KANK1: variants seen among roughly 807,000 people sequenced by gnomAD.
The protein encoded by KANK1 is KN motif and ankyrin repeat domains 1.
A neutral mutation model predicts 106.2 loss-of-function variants in KANK1; 109 were observed. That is an observed-to-expected ratio of 1.03 (90% CI 0.88 to 1.20). The LOEUF (loss-of-function observed/expected upper bound fraction) is 1.20, where lower values mean the gene tolerates loss of function less well. Among genes scored for constraint, KANK1 ranks in the 50% most tolerant of loss-of-function variants. The pLI is 0.00. For missense variants in KANK1, 2,399 were observed against 1,710.7 expected (o/e 1.40, Z -7.10); for synonymous variants, 873 against 652.2 (o/e 1.34, Z -5.16).
At chr9:610,305 T>G (rs760101010) in intron 1 of KANK1, among the ~76,000 whole-genome samples, 2 of 152,190 alleles carry the variant, frequency 1.3e-5, no homozygotes, top group Non-Finnish European at 2.9e-5. Flanking sequence ...TGAAAAAACA[T>G]TCTCACTGAA....
intron 1 of KANK1, among the ~76,000 whole-genome samples, chr9:636,842 C>A (rs116655281): frequency 6.6e-6 from 1 of 152,150 alleles, no homozygotes; most frequent in African/African-American, 2.4e-5. Flanking sequence ...TCCAGCCAGG[C>A]GACAGCGCGA....
intron 9 of KANK1, 34 bp downstream of exon 9, chr9:740,968 A>AC (rs1171446735): frequency 6.2e-7 from 1 of 1,610,668 alleles, no homozygotes; most frequent in African/African-American, 1.3e-5. Flanking sequence ...TCAGGAATGC[A>AC]CCCGTAACCA....
At chr9:692,684 C>G (rs1234895415) in intron 2 of KANK1, among the ~76,000 whole-genome samples, 2 of 148,724 alleles carry the variant, frequency 1.3e-5, no homozygotes, top group Non-Finnish European at 3.0e-5. Context: ...TTATCATTTA[C>G]TTTTGACAGA....
At chr9:497,860 CACA>C (rs386731401) in intron 3 of KANK1, among the ~76,000 whole-genome samples, 2 of 142,850 alleles carry the variant, frequency 1.4e-5, no homozygotes, top group African/African-American at 5.9e-5. Flanking sequence ...ATTAACCCCC[CACA>C]CACACACACC....
At chr9:738,230 A>T in intron 7 of KANK1, 55 bp from the exon 8 acceptor site, 1 of 1,407,468 alleles carries the variant, frequency 7.1e-7, no homozygotes. Context: ...GCTTTCAACT[A>T]GGTCTCAGAA....
At chr9:563,658 G>T (rs1381611014) in intron 1 of KANK1, among the ~76,000 whole-genome samples, 5 of 152,194 alleles carry the variant, frequency 3.3e-5, no homozygotes, top group African/African-American at 1.2e-4. Flanking sequence ...GAGGTCAGAA[G>T]TGTCAGTGAA....
intron 1 of KANK1, among the ~76,000 whole-genome samples, chr9:645,127 A>C (rs969374617): frequency 1.1e-4 from 3 of 26,740 alleles, no homozygotes; most frequent in African/African-American, 5.7e-4. Flanking sequence ...CCATCTCTAC[A>C]AAAAAAAAAA....
At chr9:474,596 C>T (rs1057229415) in intron 3 of KANK1, among the ~76,000 whole-genome samples, 1 of 152,120 alleles carries the variant, frequency 6.6e-6, no homozygotes, top group African/African-American at 2.4e-5. Flanking sequence ...TGTCGTTTCT[C>T]TAAAAAAGTA....
chr9:585,712 A>G (rs1289939728), intron 1 of KANK1, among the ~76,000 whole-genome samples: 1 of 152,188 alleles, frequency 6.6e-6, no homozygotes, highest in Non-Finnish European at 1.5e-5. Flanking sequence ...CGAGGTCGGC[A>G]TTGCTGGGGC....
Position 617,053 on chromosome 9 carries a change from AAGAG to A in KANK1, c.-83-59833_-83-59830del, listed in dbSNP as rs1417245134. On this transcript the variant is annotated intron_variant, in intron 1 of 11. Transcript: ENST00000382297. ...CTTCTCTAGAAGATCTCAGTAGTCT[AAGAG>A]AGAATAATTTTTTTTTAATATACTA... Among the ~76,000 whole-genome samples the A allele has an allele frequency of 2.6e-4, 40 of 152,308 alleles. No individual in the cohort carries two copies. The South Asian group carries it at 8.3e-3, about 32-fold the overall frequency.
intron 1 of KANK1, among the ~76,000 whole-genome samples, chr9:639,836 C>T (rs1360747453): frequency 6.6e-6 from 1 of 152,138 alleles, no homozygotes; most frequent in African/African-American, 2.4e-5. Flanking sequence ...AGGGCCTGTT[C>T]CTCAAGGATA....
At chr9:713,493 G>T (rs766450693) in intron 3 of KANK1, 29 bp downstream of exon 3, 2 of 1,520,056 alleles carry the variant, frequency 1.3e-6, no homozygotes, top group South Asian at 2.7e-5. Flanking sequence ...ACCTGGGAAT[G>T]AGGAAGGATG....
chr9:657,751 C>G (rs1842462469), intron 1 of KANK1, among the ~76,000 whole-genome samples: 1 of 152,096 alleles, frequency 6.6e-6, no homozygotes, highest in African/African-American at 2.4e-5. Context: ...TATCAGGCAG[C>G]AAATTGTAAA....
upstream of KANK1, among the ~76,000 whole-genome samples, chr9:502,597 C>T (rs557120157): frequency 1.9e-4 from 29 of 151,544 alleles, no homozygotes; most frequent in African/African-American, 6.8e-4. Context: ...GATCTCGGCT[C>T]ACTGCAACCT....
intron 1 of KANK1, among the ~76,000 whole-genome samples, chr9:616,539 A>G (rs1255797450): frequency 6.6e-6 from 1 of 152,156 alleles, no homozygotes; most frequent in African/African-American, 2.4e-5. Flanking sequence ...ATACCTACCA[A>G]ATTTCACCAC....
chr9:596,019 C>G lies in KANK1; in HGVS notation c.-83-80871C>G, dbSNP rs538184985. The stretch of plus-strand genomic sequence containing the variant: ...AATTCCTTGGGGATGAGACACAAGT[C>G]TAAATAACAAGTTCGTTTATGTTTC... On this transcript the variant is annotated intron_variant, in intron 1 of 11. Transcript: ENST00000382297. Among the ~76,000 whole-genome samples, 11 of 151,900 alleles carry G rather than the reference C, an allele frequency of 7.2e-5. No homozygotes were observed. The South Asian group carries it at 2.1e-3, about 29-fold the overall frequency.
intron 5 of KANK1, chr9:732,151 T>G: frequency 2.3e-6 from 1 of 441,816 alleles, no homozygotes; most frequent in Non-Finnish European, 4.1e-6. Flanking sequence ...CTTTAACAAG[T>G]GTTACATGAT....
rs79995118 is a variant in KANK1, at chr9:654,280, G to A, written c.-83-22610G>A. The stretch of plus-strand genomic sequence containing the variant: ...CCACGGCCAGACTTTGAGAAACAGT[G>A]GCCCAGAGAATAACAGTCTTAGAAG... On this transcript the variant is annotated intron_variant, in intron 1 of 11. Transcript: ENST00000382297. 5.4e-3 allele frequency among the ~76,000 whole-genome samples: 821 copies of A among 152,194 alleles called. 6 individuals carry two copies. Among genetic ancestry groups the A allele is most frequent in the African/African-American group, 0.019 (774 of 41,504 alleles).
chr9:526,068 TG>T (rs1229458304), intron 1 of KANK1, among the ~76,000 whole-genome samples: 2 of 150,736 alleles, frequency 1.3e-5, no homozygotes, highest in African/African-American at 4.9e-5. Flanking sequence ...CTGAGGAGAA[TG>T]GGGCCTTTCT....
Sources: allele counts gnomAD v4.1 joint callset (sites outside exome capture counted in the v4.1 genomes callset), GRCh38; gene constraint gnomAD v4.1.1; transcripts MANE v1.5; gene names NCBI Gene and HGNC (gene_info 2026-07-23, HGNC 2026-07-21).